The following SRP72 variants were observed in gnomAD, a reference collection of about 807,000 sequenced individuals.
SRP72 encodes the protein signal recognition particle 72, also known as signal recognition particle subunit SRP72.
In SRP72, 49 loss-of-function variants were observed where a neutral mutation model predicts 96.3. The ratio of observed to expected loss-of-function variants is 0.51; its 90% CI spans 0.40 to 0.65. SRP72 has a LOEUF of 0.65. SRP72 is among the 30% of genes least tolerant of loss of function. The probability of loss-of-function intolerance (pLI) is 0.00; values close to 1 mark genes in which losing one functional copy is unlikely to be tolerated. For missense variants in SRP72, 736 were observed against 793.3 expected (o/e 0.93, Z 0.87); for synonymous variants, 267 against 275.2 (o/e 0.97, Z 0.30).
intron 12 of SRP72, chr4:56,488,918 CT>C: frequency 6.5e-6 from 1 of 152,832 alleles, no homozygotes; most frequent in Non-Finnish European, 1.5e-5. Flanking sequence ...CAGCATCCCC[CT>C]CCCCCTCCAC....
At chr4:56,483,104 A>G (rs774479715) in intron 8 of SRP72, 35 bp from the exon 9 acceptor site, 1 of 1,584,844 alleles carries the variant, frequency 6.3e-7, no homozygotes, top group South Asian at 1.1e-5. Flanking sequence ...GAAATCTGAG[A>G]TTCTGTTAAT....
intron 12 of SRP72, among the ~76,000 whole-genome samples, chr4:56,488,744 C>G (rs982602728): frequency 6.6e-6 from 1 of 152,040 alleles, no homozygotes; most frequent in Non-Finnish European, 1.5e-5. Flanking sequence ...TCTTTATTGT[C>G]CTTTTAATAT....
chr4:56,500,735 C>G (rs767065207), intron 18 of SRP72, 40 bp downstream of exon 18: 2 of 1,565,190 alleles, frequency 1.3e-6, no homozygotes, highest in Non-Finnish European at 1.7e-6. Flanking sequence ...TTAGAACATA[C>G]GTTGTTTCTA....
chr4:56,485,527 G>A (rs533341659), intron 10 of SRP72, among the ~76,000 whole-genome samples: 23 of 152,086 alleles, frequency 1.5e-4, no homozygotes, highest in South Asian at 6.2e-4. Flanking sequence ...GTCGCCAGGC[G>A]TAGTGGCTGA....
In SRP72 at chr4:56,483,192, A is replaced by G. The variant is rs142904964; in HGVS notation, c.879A>G (p.Gly293=). 2 of 1,612,080 alleles carry G rather than the reference A, an allele frequency of 1.2e-6. No homozygotes were observed. Among genetic ancestry groups the G allele is most frequent in the Non-Finnish European group, 1.7e-6 (2 of 1,179,766 alleles). Residue 293 remains glycine (G), a synonymous_variant, in exon 9 of 19, where the codon GGA becomes GGG. Transcript: ENST00000642900. ...KKKVKLTNAE[G]VEFKLSKKQL... ...AAGTGAAATTAACCAATGCGGAAGGAGTAGAGTTTAAGCTTTCCAAGAAAC... is the reference window on the plus strand; with the variant it reads ...AAGTGAAATTAACCAATGCGGAAGGGGTAGAGTTTAAGCTTTCCAAGAAAC...
Position 56,503,657 on chromosome 4 carries a change from A to G in SRP72, c.*1796A>G, listed in dbSNP as rs1721343880. The G allele has an allele frequency of 6.6e-6, 1 of 152,218 alleles. No homozygotes were observed. The highest frequency in any genetic ancestry group is 1.5e-5 in the Non-Finnish European group (1 of 68,036). The allele number at this position is 152,218 out of a possible 1,614,324, so 9.4% of individuals were successfully genotyped here. On this transcript the variant is annotated 3_prime_UTR_variant, in exon 19 of 19. Transcript: ENST00000642900. Reference sequence around the variant, plus strand: ...CATTCACTGTGGTACATTTTAAAATAAAATATTTTAGCAGTGAATATGGAT... The same window carrying G: ...CATTCACTGTGGTACATTTTAAAATGAAATATTTTAGCAGTGAATATGGAT...
Position 56,484,789 on chromosome 4 carries a change from T to G in SRP72, c.1011T>G (p.His337Gln), listed in dbSNP as rs1720641510. 6.2e-7 allele frequency: 1 copy of G among 1,614,030 alleles called. No individual in the cohort carries two copies. Among genetic ancestry groups the G allele is most frequent in the Non-Finnish European group, 8.5e-7 (1 of 1,180,036 alleles). The change falls in exon 10 of 19, where the codon CAT becomes CAG. Residue 337 changes from histidine (H) to glutamine (Q), a missense_variant. His to Gln is a conservative substitution (Grantham distance 24). Around this residue, in one of 3 missense-constraint regions of SRP72, gnomAD observed 388 missense variants for 431.8 expected, o/e 0.90. Transcript: ENST00000642900. The stretch of plus-strand genomic sequence containing the variant: ...GTTTACAGTCCCAAAGTCCCGAGCA[T>G]CTCTTACCTGTGTTAATCCAAGCTG... ...SASLQSQSPE[H>Q]LLPVLIQAAQ...
intron 17 of SRP72, 160 bp from the exon 18 acceptor site, chr4:56,500,376 A>G (rs560360255): frequency 1.3e-6 from 1 of 758,744 alleles, no homozygotes; most frequent in South Asian, 2.2e-5. Context: ...AATTTAAAAA[A>G]AAAGACCATT....
rs757639511 is a variant in SRP72 at position 56,478,461 on chromosome 4, C to T, written c.725C>T (p.Thr242Ile). 8 of 1,613,948 alleles carry T rather than the reference C, an allele frequency of 5.0e-6. No individual in the cohort carries two copies. Among genetic ancestry groups the T allele is most frequent in the Non-Finnish European group, 6.8e-6 (8 of 1,180,000 alleles). ...TATATTCTGCAGCTTCAGGGTCGAA[C>T]AGAGGAGGCTTTGCAACTTTACAAT... The part of the protein sequence containing the change: ...MAYILQLQGR[T>I]EEALQLYNQI... The change falls in exon 7 of 19, where the codon ACA (threonine) becomes ATA (isoleucine). Residue 242 changes from threonine (T) to isoleucine (I), a missense_variant. Coordinates refer to ENST00000642900, the MANE Select transcript of SRP72 (RefSeq NM_006947.4).
intron 6 of SRP72, among the ~76,000 whole-genome samples, chr4:56,478,092 A>G (rs1012701585): frequency 6.6e-6 from 1 of 150,866 alleles, no homozygotes; most frequent in Non-Finnish European, 1.5e-5. Flanking sequence ...GAGGATGATA[A>G]TGATCAATAA....
At chr4:56,473,128 T>A (rs1720045681) in intron 3 of SRP72, among the ~76,000 whole-genome samples, 1 of 152,192 alleles carries the variant, frequency 6.6e-6, no homozygotes, top group Non-Finnish European at 1.5e-5. Context: ...CAGGGTTACC[T>A]AGACCTATAG....
chr4:56,496,866 G>A (rs562311116), intron 17 of SRP72, among the ~76,000 whole-genome samples: 13 of 152,178 alleles, frequency 8.5e-5, no homozygotes, highest in African/African-American at 2.9e-4. Context: ...ATGCGTGCCT[G>A]TAATCCCAGC....
At chr4:56,486,231 G>T in intron 10 of SRP72, 94 bp from the exon 11 acceptor site, 1 of 909,822 alleles carries the variant, frequency 1.1e-6, no homozygotes, top group South Asian at 2.3e-5. Flanking sequence ...TTTAAAACTG[G>T]ATTTAAAATC....
chr4:56,503,276 A>G lies in SRP72; in HGVS notation c.*1415A>G, dbSNP rs1193371697. On this transcript the variant is annotated 3_prime_UTR_variant, in exon 19 of 19. Coordinates refer to ENST00000642900, the MANE Select transcript of SRP72 (RefSeq NM_006947.4). The stretch of plus-strand genomic sequence containing the variant: ...CCTTTTTTTGAGCTCTACAGAGAAC[A>G]GTCTTTTGGTAATAGTGGCAGGTAT... The G allele has an allele frequency of 6.6e-6, 1 of 152,218 alleles. No homozygotes were observed. Among genetic ancestry groups the G allele is most frequent in the Non-Finnish European group, 1.5e-5 (1 of 68,026 alleles). The allele number at this position is 152,218 out of a possible 1,614,324, so 9.4% of individuals were successfully genotyped here.
At chr4:56,476,474 T>C (rs1376721199) in intron 5 of SRP72, 197 bp from the exon 6 acceptor site, 7 of 568,504 alleles carry the variant, frequency 1.2e-5, no homozygotes, top group Non-Finnish European at 2.1e-5. Flanking sequence ...GAAAGCAAAG[T>C]GCCAAAGAGC....
Position 56,471,663 on chromosome 4 carries a change from A to G in SRP72, c.231-57A>G, listed in dbSNP as rs1162808998. On this transcript the variant is annotated intron_variant, in intron 2 of 18. Transcript: ENST00000642900. Reference sequence around the variant, plus strand: ...AGTGTTTAGAGTGGTGTTGTATATAATGGGTGCATTGCATTGTTAGATAAT... The same window carrying G: ...AGTGTTTAGAGTGGTGTTGTATATAGTGGGTGCATTGCATTGTTAGATAAT... 13 of 1,589,192 alleles carry G rather than the reference A, an allele frequency of 8.2e-6. No individual in the cohort carries two copies. In the East Asian group the frequency reaches 2.7e-4, roughly 33 times the overall value.
At chr4:56,474,826 A>G (rs1294729360) in intron 5 of SRP72, among the ~76,000 whole-genome samples, 1 of 152,220 alleles carries the variant, frequency 6.6e-6, no homozygotes, top group African/African-American at 2.4e-5. Context: ...CTGGGATCAC[A>G]GGCGCATGCC....
At chr4:56,478,230 G>A (rs1402495946) in intron 6 of SRP72, 149 bp from the exon 7 acceptor site, 2 of 460,294 alleles carry the variant, frequency 4.3e-6, no homozygotes, top group African/African-American at 4.4e-5. Flanking sequence ...CTTCTCTCTT[G>A]CTGGCTGTTT....
At chr4:56,472,235 A>C (rs1416191143) in intron 3 of SRP72, among the ~76,000 whole-genome samples, 3 of 152,314 alleles carry the variant, frequency 2.0e-5, no homozygotes, top group South Asian at 2.1e-4. Flanking sequence ...AATTGTGAAA[A>C]TATTTTAAAG....
Sources: gnomAD v4.1 joint callset for allele counts (sites outside exome capture counted in the v4.1 genomes callset) on GRCh38, gnomAD v4.1.1 for gene constraint, gnomAD v4.1.1 regional missense constraint, MANE v1.5 for transcripts, NCBI Gene and HGNC (gene_info 2026-07-23, HGNC 2026-07-21) for gene names.